Variants in MARCO observed in about 807,000 individuals in gnomAD.
MARCO encodes macrophage receptor MARCO.
Under a neutral mutation model 70.0 loss-of-function variants are expected in MARCO, and 72 were observed. That is an observed-to-expected ratio of 1.03 (90% CI 0.85 to 1.25). The LOEUF is 1.25. Ranked by LOEUF, MARCO falls within the 50% of genes most tolerant of loss-of-function variation. The pLI is 0.00. For missense variants in MARCO, 696 were observed against 659.3 expected, an observed-to-expected ratio of 1.06 and a Z score of -0.61; for synonymous variants, 273 against 243.1, an observed-to-expected ratio of 1.12 and a Z score of -1.14.
intron 1 of MARCO, among the ~76,000 whole-genome samples, chr2:118,968,317 T>G (rs571049661): frequency 6.6e-6 from 1 of 152,354 alleles, no homozygotes; most frequent in African/African-American, 2.4e-5. Context: ...AATGTTAGCA[T>G]GAACTGTGGC....
intron 6 of MARCO, 134 bp from the exon 7 acceptor site, chr2:118,977,333 AGAGT>A: frequency 5.7e-6 from 4 of 707,024 alleles, no homozygotes; most frequent in African/African-American, 1.8e-5. Flanking sequence ...AGAGAGAGAG[AGAGT>A]GAGAGTGAGA....
At chr2:118,974,685 G>A (rs375247353) in intron 6 of MARCO, 120 bp downstream of exon 6, 139 of 980,520 alleles carry the variant, frequency 1.4e-4, no homozygotes, top group East Asian at 3.6e-4. Context: ...GTAGGTGAAC[G>A]GAGGCCTGGT....
Position 118,970,353 on chromosome 2 carries a change from C to T in MARCO, c.424+15C>T. ...TCAGAACCCAGGTTTGGCCTCCTCC[C>T]CTCTGGGTCAGGACTTCTCAACAGA... is the stretch of plus-strand genomic sequence containing the variant. On this transcript the variant is annotated intron_variant, in intron 3 of 16. Transcript: ENST00000327097. 1 of 1,590,658 alleles carries T rather than the reference C, an allele frequency of 6.3e-7. No homozygotes were observed. Among genetic ancestry groups the T allele is most frequent in the Non-Finnish European group, 8.6e-7 (1 of 1,164,056 alleles).
chr2:118,951,492 T>C (rs1196012747), intron 1 of MARCO, among the ~76,000 whole-genome samples: 1 of 152,236 alleles, frequency 6.6e-6, no homozygotes, highest in Non-Finnish European at 1.5e-5. Context: ...CACAATGAGG[T>C]TTCCTCTAAA....
rs749498208 is a variant in MARCO at position 118,942,253 on chromosome 2, G to A, written c.-48G>A. 1.6e-6 allele frequency: 2 copies of A among 1,268,458 alleles called. No homozygotes were observed. Among genetic ancestry groups the A allele is most frequent in the Non-Finnish European group, 2.3e-6 (2 of 867,478 alleles). 78.6% of individuals were successfully genotyped at this position (1,268,458 alleles called of 1,614,324 possible). ...TTCTCCAAGTGGTTCCTCTTGAGGGGAGCATTTCTGCTGGCTCCAGGACTT... is the reference window on the plus strand; with the variant it reads ...TTCTCCAAGTGGTTCCTCTTGAGGGAAGCATTTCTGCTGGCTCCAGGACTT... On this transcript the variant is annotated 5_prime_UTR_variant, in exon 1 of 17. Coordinates refer to ENST00000327097, the MANE Select transcript of MARCO (RefSeq NM_006770.4).
intron 12 of MARCO, 113 bp from the exon 13 acceptor site, chr2:118,990,476 T>C: frequency 1.0e-6 from 1 of 991,778 alleles, no homozygotes; most frequent in Non-Finnish European, 1.6e-6. Flanking sequence ...AGAACCAATG[T>C]ATCTTTCCAT....
At chr2:118,975,757 C>G (rs1457497597) in intron 6 of MARCO, among the ~76,000 whole-genome samples, 1 of 152,184 alleles carries the variant, frequency 6.6e-6, no homozygotes, top group East Asian at 1.9e-4. Flanking sequence ...CACATATACT[C>G]ATGCACATAT....
chr2:118,984,387 A>C (rs1397179353), intron 12 of MARCO, among the ~76,000 whole-genome samples: 1 of 152,182 alleles, frequency 6.6e-6, no homozygotes, highest in African/African-American at 2.4e-5. Flanking sequence ...GAGACCTTTT[A>C]TATCTGCTGA....
chr2:118,963,518 A>G (rs966499605), intron 1 of MARCO, among the ~76,000 whole-genome samples: 1 of 151,688 alleles, frequency 6.6e-6, no homozygotes, highest in Non-Finnish European at 1.5e-5. Flanking sequence ...GATATCATCT[A>G]TTTTGGTGTA....
intron 1 of MARCO, among the ~76,000 whole-genome samples, chr2:118,946,023 T>C (rs1239636117): frequency 1.3e-5 from 2 of 152,218 alleles, no homozygotes; most frequent in African/African-American, 2.4e-5. Context: ...CTCTTCATCA[T>C]GCCAATATTT....
intron 4 of MARCO, 70 bp downstream of exon 4, chr2:118,971,604 G>C: frequency 6.5e-7 from 1 of 1,536,434 alleles, no homozygotes; most frequent in Non-Finnish European, 9.0e-7. Context: ...CCCTTGGCCT[G>C]TGCCATTCTG....
chr2:118,945,169 C>T (rs1679571808), intron 1 of MARCO, among the ~76,000 whole-genome samples: 1 of 152,112 alleles, frequency 6.6e-6, no homozygotes. Flanking sequence ...TTTGCCCCAT[C>T]ATCCACCTCA....
chr2:118,966,156 T>A (rs975523110), intron 1 of MARCO, among the ~76,000 whole-genome samples: 1 of 152,230 alleles, frequency 6.6e-6, no homozygotes, highest in Admixed American at 6.5e-5. Flanking sequence ...AGGCTTTTTT[T>A]CTTCACTGGG....
chr2:118,968,588 G>A lies in MARCO; in HGVS notation c.98-572G>A, dbSNP rs375080439. Among the ~76,000 whole-genome samples, 11 of 152,258 alleles carry A rather than the reference G, an allele frequency of 7.2e-5. No individual in the cohort carries two copies. The East Asian group carries it at 1.9e-3, about 27-fold the overall frequency. On this transcript the variant is annotated intron_variant, in intron 1 of 16. Transcript: ENST00000327097. ...GGGTTAGGACCTTAGGGGGTTGAGG[G>A]ATGATTATTAACCCTTGTCATGCCC...
At chr2:118,984,560 C>T (rs1680450580) in intron 12 of MARCO, among the ~76,000 whole-genome samples, 1 of 152,196 alleles carries the variant, frequency 6.6e-6, no homozygotes, top group Non-Finnish European at 1.5e-5. Context: ...GCAGGTTGCC[C>T]ACCCGAGTCC....
intron 1 of MARCO, chr2:118,944,657 T>TC (rs1679562817): frequency 2.4e-5 from 1 of 40,892 alleles, no homozygotes. Flanking sequence ...ATTAAACTAG[T>TC]TTTTTTTTAT....
intron 8 of MARCO, among the ~76,000 whole-genome samples, chr2:118,981,079 C>A (rs1680378976): frequency 6.6e-6 from 1 of 152,144 alleles, no homozygotes; most frequent in South Asian, 2.1e-4. Context: ...GAAGTGAATT[C>A]AAATAATTGC....
Position 118,970,118 on chromosome 2 carries a change from G to T in MARCO, c.204G>T (p.Leu68=). ...AGAGLLVVQV[L]NLQARLRVLE... Reference sequence around the variant, plus strand: ...ATGCTGTGGGGTGGGGCCCAGTTCTGAATCTGCAGGCGCGGCTCCGGGTCC... The same window carrying T: ...ATGCTGTGGGGTGGGGCCCAGTTCTTAATCTGCAGGCGCGGCTCCGGGTCC... The change falls in exon 3 of 17, where the codon CTG becomes CTT. Residue 68 remains leucine, a synonymous_variant. Coordinates refer to ENST00000327097, the MANE Select transcript of MARCO (RefSeq NM_006770.4). 1 of 1,613,866 alleles carries T rather than the reference G, an allele frequency of 6.2e-7. No individual in the cohort carries two copies. The highest frequency in any genetic ancestry group is 1.1e-5 in the South Asian group (1 of 91,052).
chr2:118,947,723 G>A (rs1679630041), intron 1 of MARCO, among the ~76,000 whole-genome samples: 1 of 152,118 alleles, frequency 6.6e-6, no homozygotes, highest in South Asian at 2.1e-4. Flanking sequence ...ATACCACAGT[G>A]CTTTGATTAC....
Sources: gnomAD v4.1 joint callset for allele counts (sites outside exome capture counted in the v4.1 genomes callset) on GRCh38, gnomAD v4.1.1 for gene constraint, MANE v1.5 for transcripts, NCBI Gene and HGNC (gene_info 2026-07-23, HGNC 2026-07-21) for gene names.